The following PKD2L1 variants were observed in gnomAD, a reference collection of about 807,000 sequenced individuals.
PKD2L1 encodes polycystin 2 like 1, transient receptor potential cation channel.
A neutral mutation model predicts 93.0 loss-of-function variants in PKD2L1; 77 were observed. The ratio of observed to expected loss-of-function variants is 0.83; its 90% CI spans 0.69 to 1.00. PKD2L1 has a LOEUF of 1.00. PKD2L1 is among the 50% of genes least tolerant of loss of function. PKD2L1 has a pLI of 0.00. For missense variants in PKD2L1, 977 were observed against 990.9 expected (o/e 0.99, Z 0.19); for synonymous variants, 390 against 388.0 (o/e 1.01, Z -0.06).
chr10:100,288,577 A>G, intron 15 of PKD2L1, 99 bp from the exon 16 acceptor site: 1 of 784,772 alleles, frequency 1.3e-6, no homozygotes, highest in East Asian at 2.4e-5. Context: ...AGACATCTAG[A>G]TACCGCCTAC....
In PKD2L1 at chr10:100,292,876, A is replaced by C. The variant is rs149692988; in HGVS notation, c.1880+72T>G. On this transcript the variant is annotated intron_variant, in intron 11 of 15. Transcript: ENST00000318222. Reference sequence around the variant, plus strand: ...AAACTAAAACCAAAGGCTTATAAGCAAATGAAGTATGGTTGAGGGTTGAGG... The same window carrying C: ...AAACTAAAACCAAAGGCTTATAAGCCAATGAAGTATGGTTGAGGGTTGAGG... 1.9e-3 allele frequency: 2,798 copies of C among 1,501,644 alleles called. 54 individuals are homozygous for C. The African/African-American group carries it at 0.035, about 19-fold the overall frequency. 93.0% of individuals were successfully genotyped at this position (1,501,644 alleles called of 1,614,324 possible).
intron 2 of PKD2L1, among the ~76,000 whole-genome samples, chr10:100,306,171 A>C (rs1216848703): frequency 6.6e-6 from 1 of 152,194 alleles, no homozygotes; most frequent in Non-Finnish European, 1.5e-5. Context: ...ATGGATTGCT[A>C]TAGGTTTAGG....
At chr10:100,314,327 T>C (rs1247355699) in intron 2 of PKD2L1, among the ~76,000 whole-genome samples, 3 of 152,014 alleles carry the variant, frequency 2.0e-5, no homozygotes, top group Non-Finnish European at 2.9e-5. Context: ...TGGAAAAGCC[T>C]GTGAGACAAA....
chr10:100,293,963 G>A (rs11190457), intron 9 of PKD2L1, among the ~76,000 whole-genome samples: 23,721 of 151,520 alleles, frequency 0.16, 2,769 homozygotes, highest in African/African-American at 0.34. Context: ...AAAAATTAGC[G>A]GGGTGTGGTG....
intron 8 of PKD2L1, 55 bp from the exon 9 acceptor site, chr10:100,294,710 C>T: frequency 6.2e-7 from 1 of 1,609,796 alleles, no homozygotes; most frequent in Non-Finnish European, 8.5e-7. Flanking sequence ...CCCCATCCCA[C>T]TTTCCTAATC....
intron 2 of PKD2L1, among the ~76,000 whole-genome samples, chr10:100,303,084 G>A (rs1045756019): frequency 1.3e-5 from 2 of 152,072 alleles, no homozygotes; most frequent in African/African-American, 4.8e-5. Context: ...AAGCAAGCAT[G>A]GTAACATGTT....
intron 7 of PKD2L1, among the ~76,000 whole-genome samples, chr10:100,295,428 T>TAAAAA (rs751427378): frequency 2.8e-5 from 2 of 71,220 alleles, no homozygotes; most frequent in East Asian, 3.9e-4. Context: ...CTGGGACCAT[T>TAAAAA]AAAAAAAAAA....
chr10:100,318,902 G>A lies in PKD2L1; in HGVS notation c.349+10309C>T, dbSNP rs954272077. On this transcript the variant is annotated intron_variant, in intron 2 of 15. Transcript: ENST00000318222. ...CACTCTGTCGCCCAGGCTGAGTACAGTGGCGTGATCTCGGCTCACTGCAAC... is the reference window on the plus strand; with the variant it reads ...CACTCTGTCGCCCAGGCTGAGTACAATGGCGTGATCTCGGCTCACTGCAAC... Among the ~76,000 whole-genome samples the A allele has an allele frequency of 2.7e-5, 4 of 149,342 alleles. No homozygotes were observed. The Admixed American group carries it at 2.7e-4, about 10-fold the overall frequency.
chr10:100,299,815 AAG>A (rs1848638791), intron 2 of PKD2L1, 97 bp from the exon 3 acceptor site: 7 of 1,115,200 alleles, frequency 6.3e-6, no homozygotes, highest in African/African-American at 1.5e-5. Flanking sequence ...TCCAAGATGG[AAG>A]CCCATCCCCC....
intron 12 of PKD2L1, 111 bp downstream of exon 12, chr10:100,291,190 T>C: frequency 8.8e-7 from 1 of 1,132,042 alleles, no homozygotes; most frequent in Non-Finnish European, 1.3e-6. Flanking sequence ...TAGAGAGTTC[T>C]TTACTATCTA....
intron 8 of PKD2L1, 119 bp from the exon 9 acceptor site, chr10:100,294,774 G>T (rs1005128700): frequency 1.4e-6 from 2 of 1,446,604 alleles, no homozygotes; most frequent in African/African-American, 1.4e-5. Flanking sequence ...ACAGGGCAGG[G>T]TGCTTAGATT....
chr10:100,311,850 A>T (rs1344413625), intron 2 of PKD2L1, among the ~76,000 whole-genome samples: 1 of 152,162 alleles, frequency 6.6e-6, no homozygotes, highest in East Asian at 1.9e-4. Flanking sequence ...ACATAAAGGA[A>T]CTATTATATA....
In PKD2L1 at chr10:100,290,150, T is replaced by G; in HGVS notation, c.2127-12A>C. 6.2e-7 allele frequency: 1 copy of G among 1,613,968 alleles called. No homozygotes were observed. Among genetic ancestry groups the G allele is most frequent in the Non-Finnish European group, 8.5e-7 (1 of 1,179,984 alleles). The stretch of plus-strand genomic sequence containing the variant: ...CTCTCCTTGTGAGCCTGTGTGGGAT[T>G]TGAGAGAGACGAATGGAGCAGAAAT... On this transcript the variant is annotated splice_polypyrimidine_tract_variant and intron_variant, in intron 13 of 15. Transcript: ENST00000318222.
chr10:100,302,608 G>T lies in PKD2L1; in HGVS notation c.350-2890C>A, dbSNP rs187245702. 4.5e-3 allele frequency among the ~76,000 whole-genome samples: 684 copies of T among 151,872 alleles called. 8 individuals carry two copies. Among genetic ancestry groups the T allele is most frequent in the South Asian group, 0.019 (89 of 4,802 alleles). On this transcript the variant is annotated intron_variant, in intron 2 of 15. Transcript: ENST00000318222. Reference sequence around the variant, plus strand: ...AATCCCAGCTGCTTGGGAGGCTGAGGCAGGAGGATCACTTAAGCCCAGGAG... The same window carrying T: ...AATCCCAGCTGCTTGGGAGGCTGAGTCAGGAGGATCACTTAAGCCCAGGAG...
At chr10:100,298,225 T>A (rs1848595459) in intron 4 of PKD2L1, among the ~76,000 whole-genome samples, 1 of 152,200 alleles carries the variant, frequency 6.6e-6, no homozygotes, top group Non-Finnish European at 1.5e-5. Flanking sequence ...GTTCTTCAAT[T>A]TCACCCATTT....
intron 2 of PKD2L1, among the ~76,000 whole-genome samples, chr10:100,308,518 A>G (rs919443636): frequency 6.6e-6 from 1 of 152,110 alleles, no homozygotes; most frequent in African/African-American, 2.4e-5. Context: ...TATTTTTAAT[A>G]GAGATGGGGC....
At chr10:100,292,409 T>A (rs1848423737) in intron 11 of PKD2L1, among the ~76,000 whole-genome samples, 1 of 151,970 alleles carries the variant, frequency 6.6e-6, no homozygotes, top group Admixed American at 6.6e-5. Flanking sequence ...TGAGAATTGC[T>A]TGACCCCGGG....
intron 2 of PKD2L1, among the ~76,000 whole-genome samples, chr10:100,327,841 C>T (rs540690306): frequency 6.6e-6 from 1 of 152,274 alleles, no homozygotes; most frequent in Non-Finnish European, 1.5e-5. Context: ...GAGGACTGTC[C>T]CCTCTGTCCA....
intron 2 of PKD2L1, among the ~76,000 whole-genome samples, chr10:100,322,937 C>T (rs2133572232): frequency 6.6e-6 from 1 of 152,318 alleles, no homozygotes; most frequent in Non-Finnish European, 1.5e-5. Flanking sequence ...CTAAATCTTT[C>T]TGATTTGTAA....
Sources: gnomAD v4.1 joint callset for allele counts (sites outside exome capture counted in the v4.1 genomes callset) on GRCh38, gnomAD v4.1.1 for gene constraint, MANE v1.5 for transcripts, NCBI Gene and HGNC (gene_info 2026-07-23, HGNC 2026-07-21) for gene names.